The following CDK19 variants were observed in gnomAD, a reference collection of about 807,000 sequenced individuals.
The protein encoded by CDK19 is cyclin dependent kinase 19.
In CDK19, 20 loss-of-function variants were observed where a neutral mutation model predicts 68.3. The ratio of observed to expected loss-of-function variants is 0.29; its 90% CI spans 0.21 to 0.43. CDK19 has a LOEUF of 0.43. Among genes scored for constraint, CDK19 ranks in the 20% least tolerant of loss-of-function variants. The pLI, the probability that CDK19 is intolerant of heterozygous loss-of-function variation, is 1.00. For synonymous variants in CDK19, 221 were observed against 222.8 expected (o/e 0.99, Z 0.07); for missense variants, 339 against 623.5 (o/e 0.54, Z 4.86).
chr6:110,686,692 C>G (rs1050429822), intron 2 of CDK19, among the ~76,000 whole-genome samples: 2 of 152,158 alleles, frequency 1.3e-5, no homozygotes, highest in Non-Finnish European at 2.9e-5. Context: ...CTGCCATTAT[C>G]AAGCACCTAC....
At chr6:110,698,365 C>T (rs1773670515) in intron 2 of CDK19, among the ~76,000 whole-genome samples, 1 of 151,160 alleles carries the variant, frequency 6.6e-6, no homozygotes, top group Non-Finnish European at 1.5e-5. Flanking sequence ...AGACATTTCT[C>T]AAAAGAAGAT....
chr6:110,766,586 G>T (rs1203385951), intron 1 of CDK19, among the ~76,000 whole-genome samples: 1 of 151,586 alleles, frequency 6.6e-6, no homozygotes, highest in Non-Finnish European at 1.5e-5. Flanking sequence ...TCAAAAAAAA[G>T]AAAGAAAAAA....
chr6:110,734,301 C>T (rs1344478836), intron 2 of CDK19, among the ~76,000 whole-genome samples: 2 of 152,062 alleles, frequency 1.3e-5, no homozygotes, highest in Non-Finnish European at 2.9e-5. Context: ...TGAGCTACCA[C>T]ACCCAGCCAT....
At chr6:110,815,812 C>G (rs1225834276), upstream of CDK19, 1 of 152,502 alleles carries the variant, frequency 6.6e-6, no homozygotes, top group African/African-American at 2.4e-5. Context: ...CAGCACCTTG[C>G]TGAAGGGTTG....
At chr6:110,673,612 A>G (rs1384532393) in intron 2 of CDK19, among the ~76,000 whole-genome samples, 1 of 152,092 alleles carries the variant, frequency 6.6e-6, no homozygotes, top group Admixed American at 6.6e-5. Context: ...CTGGTGGGTG[A>G]GGCAATCAGA....
At chr6:110,649,407 A>C (rs1180802259) in intron 4 of CDK19, among the ~76,000 whole-genome samples, 1 of 152,180 alleles carries the variant, frequency 6.6e-6, no homozygotes, top group Non-Finnish European at 1.5e-5. Context: ...CAAAACTTTA[A>C]AACTTTTGGA....
At chr6:110,707,647 C>G (rs569491380) in intron 2 of CDK19, among the ~76,000 whole-genome samples, 2 of 152,292 alleles carry the variant, frequency 1.3e-5, no homozygotes, top group East Asian at 3.9e-4. Flanking sequence ...CTGCATAGTA[C>G]TCCACTGCCA....
intron 1 of CDK19, among the ~76,000 whole-genome samples, chr6:110,808,161 A>G (rs1255871440): frequency 1.3e-5 from 2 of 152,200 alleles, no homozygotes; most frequent in African/African-American, 4.8e-5. Flanking sequence ...CCACTCATCC[A>G]AAGACTCTAA....
At chr6:110,707,560 C>T in intron 2 of CDK19, among the ~76,000 whole-genome samples, 1 of 152,152 alleles carries the variant, frequency 6.6e-6, no homozygotes, top group East Asian at 1.9e-4. Context: ...AGTTTTGTAA[C>T]CAGCCCTTTT....
chr6:110,625,462 G>C (rs9487469), intron 8 of CDK19, among the ~76,000 whole-genome samples: 3,889 of 152,020 alleles, frequency 0.026, 171 homozygotes, highest in African/African-American at 0.088. Context: ...ACTGTGCCTG[G>C]CCAGAATGTC....
chr6:110,677,870 G>A (rs1771665117), intron 2 of CDK19, among the ~76,000 whole-genome samples: 2 of 152,102 alleles, frequency 1.3e-5, no homozygotes. Context: ...TTTATTTTGA[G>A]ACAAGATCTC....
chr6:110,785,167 A>T (rs553718080), intron 1 of CDK19, among the ~76,000 whole-genome samples: 1 of 152,160 alleles, frequency 6.6e-6, no homozygotes, highest in Non-Finnish European at 1.5e-5. Flanking sequence ...AATATCCTAG[A>T]ATGTTTATAG....
At chr6:110,768,372 G>A (rs1779737403) in intron 1 of CDK19, among the ~76,000 whole-genome samples, 1 of 152,174 alleles carries the variant, frequency 6.6e-6, no homozygotes, top group Admixed American at 6.6e-5. Flanking sequence ...ATGTGATCCA[G>A]CAACTGCACT....
intron 4 of CDK19, among the ~76,000 whole-genome samples, chr6:110,660,814 C>T (rs1454140196): frequency 1.3e-5 from 2 of 152,122 alleles, no homozygotes; most frequent in Non-Finnish European, 2.9e-5. Flanking sequence ...GGGAGCAGGG[C>T]AAGTCATGGG....
intron 2 of CDK19, among the ~76,000 whole-genome samples, chr6:110,729,601 G>A (rs373199412): frequency 6.6e-5 from 3 of 45,280 alleles, no homozygotes; most frequent in Non-Finnish European, 1.4e-4. Flanking sequence ...GCTAATTTTT[G>A]TATTTTTTTT....
chr6:110,721,611 T>A (rs757442563), intron 2 of CDK19, among the ~76,000 whole-genome samples: 66 of 152,154 alleles, frequency 4.3e-4, no homozygotes, highest in Non-Finnish European at 5.9e-5. Context: ...TTGCTTCCAT[T>A]AATAAAACCC....
chr6:110,803,871 A>G (rs1227181335), intron 1 of CDK19, among the ~76,000 whole-genome samples: 2 of 152,194 alleles, frequency 1.3e-5, no homozygotes, highest in Non-Finnish European at 2.9e-5. Flanking sequence ...CAAGAGGCTG[A>G]GATGGGAGGA....
Position 110,632,218 on chromosome 6 carries a change from G to T in CDK19, c.515-57C>A, listed in dbSNP as rs1205931689. 8.5e-6 allele frequency: 12 copies of T among 1,403,798 alleles called. No individual in the cohort carries two copies. In the East Asian group the frequency reaches 2.7e-4, roughly 32 times the overall value. The allele number at this position is 1,403,798 out of a possible 1,614,324, so 87.0% of individuals were successfully genotyped here. On this transcript the variant is annotated intron_variant, in intron 5 of 12. Coordinates refer to ENST00000368911, the MANE Select transcript of CDK19 (RefSeq NM_015076.5). ...CAGTTTGATTGTTTCTCGTCCTTTT[G>T]GCTAAGATCAAGTGTAAAATTCAGT...
intron 4 of CDK19, among the ~76,000 whole-genome samples, chr6:110,662,617 T>C (rs996385866): frequency 2.6e-5 from 4 of 152,198 alleles, no homozygotes; most frequent in African/African-American, 9.6e-5. Context: ...TATTGAGATA[T>C]GAACCTTGCT....
Sources: allele counts gnomAD v4.1 joint callset (sites outside exome capture counted in the v4.1 genomes callset), GRCh38; gene constraint gnomAD v4.1.1; transcripts MANE v1.5; gene names NCBI Gene and HGNC (gene_info 2026-07-23, HGNC 2026-07-21).